NPEPPS: variants seen among roughly 807,000 people sequenced by gnomAD.
NPEPPS encodes puromycin-sensitive aminopeptidase.
In NPEPPS, 14 loss-of-function variants were observed where a neutral mutation model predicts 115.5. The observed-to-expected ratio is 0.12, with a 90% confidence interval of 0.08 to 0.19. NPEPPS has a LOEUF of 0.19. Ranked by LOEUF, NPEPPS falls within the 10% of genes least tolerant of loss-of-function variation. The pLI, the probability that NPEPPS is intolerant of heterozygous loss-of-function variation, is 1.00. For synonymous variants in NPEPPS, 285 were observed against 390.6 expected (o/e 0.73, Z 3.19); for missense variants, 523 against 1,110.8 (o/e 0.47, Z 7.52).
At chr17:47,615,722 G>A (rs1005628260) in intron 19 of NPEPPS, among the ~76,000 whole-genome samples, 1 of 152,124 alleles carries the variant, frequency 6.6e-6, no homozygotes, top group Non-Finnish European at 1.5e-5. Flanking sequence ...AAAAAAATAG[G>A]GGTTCTGTAA....
At position 47,550,334 on chromosome 17, in the gene NPEPPS, T is replaced by C. The variant is rs1435593470; in HGVS notation, c.340+4341T>C. 2.7e-5 allele frequency among the ~76,000 whole-genome samples: 4 copies of C among 149,848 alleles called. No individual in the cohort carries two copies. The East Asian group carries it at 7.8e-4, about 29-fold the overall frequency. On this transcript the variant is annotated intron_variant, in intron 2 of 22. Transcript: ENST00000322157. ...AGACCTATGGGCATGTGTGTGTTTT[T>C]TTTTTTTTTTTGAGATGGAGTCTTG... is the stretch of plus-strand genomic sequence containing the variant.
intron 17 of NPEPPS, among the ~76,000 whole-genome samples, chr17:47,608,225 G>C (rs559526760): frequency 6.6e-6 from 1 of 152,240 alleles, no homozygotes; most frequent in Non-Finnish European, 1.5e-5. Context: ...AAGGCTGAGG[G>C]GGGTGGAACA....
intron 19 of NPEPPS, among the ~76,000 whole-genome samples, chr17:47,614,226 C>A (rs1366549679): frequency 1.3e-5 from 2 of 152,168 alleles, no homozygotes; most frequent in Admixed American, 1.3e-4. Context: ...ACCTCAGCCT[C>A]CCAAAGTGCT....
chr17:47,552,189 C>T (rs1909702898), intron 2 of NPEPPS, among the ~76,000 whole-genome samples: 1 of 151,740 alleles, frequency 6.6e-6, no homozygotes, highest in African/African-American at 2.4e-5. Flanking sequence ...TGGTCTCAGA[C>T]TCCAAGACTC....
At chr17:47,548,131 G>A (rs1372991187) in intron 2 of NPEPPS, 1 of 152,086 alleles carries the variant, frequency 6.6e-6, no homozygotes, top group Non-Finnish European at 1.5e-5. Context: ...CTGAAAAGAA[G>A]TTTCATTTTA....
rs181497490 is a variant in NPEPPS, at chr17:47,585,455, T to A, written c.649-45T>A. On this transcript the variant is annotated intron_variant, in intron 5 of 22. Transcript: ENST00000322157. ...TTTGGCTGGTATTTGCTCTATGGTATTAATGTAAACCTATTTAAATTTTTC... is the reference window on the plus strand; with the variant it reads ...TTTGGCTGGTATTTGCTCTATGGTAATAATGTAAACCTATTTAAATTTTTC... 22 of 1,388,308 alleles carry A rather than the reference T, an allele frequency of 1.6e-5. No individual in the cohort carries two copies. The Admixed American group carries it at 2.4e-4, about 15-fold the overall frequency. The allele number at this position is 1,388,308 out of a possible 1,614,324, so 86.0% of individuals were successfully genotyped here. A position where few individuals can be genotyped will look rare whatever the true frequency, so the allele number is the denominator to read the frequency against.
intron 17 of NPEPPS, among the ~76,000 whole-genome samples, chr17:47,611,105 G>T (rs954795392): frequency 6.6e-6 from 1 of 151,824 alleles, no homozygotes; most frequent in Non-Finnish European, 1.5e-5. Flanking sequence ...GCCTGCCTCA[G>T]CCTCCTAAAG....
chr17:47,546,431 A>G (rs1909222511), intron 2 of NPEPPS, among the ~76,000 whole-genome samples: 1 of 152,358 alleles, frequency 6.6e-6, no homozygotes, highest in South Asian at 2.1e-4. Flanking sequence ...GACTCAAAAA[A>G]AGAAAAAGAA....
intron 2 of NPEPPS, among the ~76,000 whole-genome samples, chr17:47,560,227 A>AT (rs1910339286): frequency 6.6e-6 from 1 of 152,082 alleles, no homozygotes; most frequent in Non-Finnish European, 1.5e-5. Context: ...AAAAAAAAAA[A>AT]GATAAACTGA....
At chr17:47,535,406 C>T (rs990003416) in intron 1 of NPEPPS, among the ~76,000 whole-genome samples, 2 of 151,158 alleles carry the variant, frequency 1.3e-5, no homozygotes, top group African/African-American at 4.9e-5. Context: ...AAAAAATTAG[C>T]CGGGCGTGGT....
intron 1 of NPEPPS, among the ~76,000 whole-genome samples, chr17:47,535,985 C>T (rs1376375185): frequency 3.3e-5 from 5 of 151,534 alleles, no homozygotes; most frequent in Admixed American, 6.6e-5. Flanking sequence ...TACAGGCACG[C>T]GCCGCCATGC....
In NPEPPS at chr17:47,623,175, AT is replaced by A. The variant is rs1914700197; in HGVS notation, c.*1256del. The A allele has an allele frequency of 5.3e-6, 1 of 187,918 alleles. No individual in the cohort carries two copies. Among genetic ancestry groups the A allele is most frequent in the Non-Finnish European group, 1.1e-5 (1 of 89,654 alleles). 11.6% of individuals were successfully genotyped at this position (187,918 alleles called of 1,614,324 possible). ...TGGCTTAACGGTATTTCAGAAGGTCATCAGATTGTGAGACTGCTTCCTTGAA... is the reference window on the plus strand; with the variant it reads ...TGGCTTAACGGTATTTCAGAAGGTCACAGATTGTGAGACTGCTTCCTTGAA... On this transcript the variant is annotated 3_prime_UTR_variant, in exon 23 of 23. Coordinates refer to ENST00000322157, the MANE Select transcript of NPEPPS (RefSeq NM_006310.4).
intron 22 of NPEPPS, 93 bp from the exon 23 acceptor site, chr17:47,621,675 C>T: frequency 8.0e-7 from 1 of 1,243,354 alleles, no homozygotes; most frequent in Non-Finnish European, 1.1e-6. Flanking sequence ...ATTATGCATC[C>T]TTCATATAGA....
chr17:47,563,631 C>T (rs1015135567), intron 2 of NPEPPS, among the ~76,000 whole-genome samples: 3 of 151,462 alleles, frequency 2.0e-5, no homozygotes, highest in Admixed American at 6.6e-5. Context: ...AGTGCAGTGG[C>T]ACGATCTCGG....
At chr17:47,621,093 T>C (rs1567876102) in intron 22 of NPEPPS, among the ~76,000 whole-genome samples, 1 of 150,132 alleles carries the variant, frequency 6.7e-6, no homozygotes, top group Non-Finnish European at 1.5e-5. Flanking sequence ...AGGTGGGAGG[T>C]TTACTTGAGC....
intron 3 of NPEPPS, among the ~76,000 whole-genome samples, chr17:47,576,155 T>G (rs1239243978): frequency 6.6e-6 from 1 of 152,106 alleles, no homozygotes; most frequent in Non-Finnish European, 1.5e-5. Flanking sequence ...TTGGCACCAT[T>G]CTGGGATAGT....
chr17:47,525,795 C>T (rs1032785560), intron 1 of NPEPPS, among the ~76,000 whole-genome samples: 1 of 152,154 alleles, frequency 6.6e-6, no homozygotes, highest in African/African-American at 2.4e-5. Flanking sequence ...ATTGGTTAGT[C>T]AGCTCAATAA....
chr17:47,597,011 G>GCA (rs1912918699), intron 13 of NPEPPS, among the ~76,000 whole-genome samples: 1 of 149,922 alleles, frequency 6.7e-6, no homozygotes, highest in African/African-American at 2.5e-5. Context: ...TTGTGCCACT[G>GCA]CACTCCAGCT....
intron 1 of NPEPPS, among the ~76,000 whole-genome samples, chr17:47,535,556 A>C (rs1908175616): frequency 6.6e-6 from 1 of 151,134 alleles, no homozygotes; most frequent in Non-Finnish European, 1.5e-5. Context: ...TCTCAAAAAA[A>C]AAAAAAAAAA....
Sources: gnomAD v4.1 joint callset for allele counts (sites outside exome capture counted in the v4.1 genomes callset) on GRCh38, gnomAD v4.1.1 for gene constraint, MANE v1.5 for transcripts, NCBI Gene and HGNC (gene_info 2026-07-23, HGNC 2026-07-21) for gene names.